The following TSKS variants were observed in gnomAD, a reference collection of about 807,000 sequenced individuals.
TSKS encodes testis-specific serine kinase substrate.
Under a neutral mutation model 68.0 loss-of-function variants are expected in TSKS, and 27 were observed. That is an observed-to-expected ratio of 0.40 (90% CI 0.29 to 0.55). TSKS has a LOEUF of 0.55. TSKS is among the 20% of genes least tolerant of loss of function. The probability of loss-of-function intolerance (pLI) is 0.53; values close to 1 mark genes in which losing one functional copy is unlikely to be tolerated. For missense variants in TSKS, 806 were observed against 776.0 expected (o/e 1.04, Z -0.46); for synonymous variants, 331 against 340.4 (o/e 0.97, Z 0.30).
At chr19:49,761,821 C>T (rs1383194752) in intron 2 of TSKS, among the ~76,000 whole-genome samples, 183 bp downstream of exon 2, 1 of 152,136 alleles carries the variant, frequency 6.6e-6, no homozygotes, top group Non-Finnish European at 1.5e-5. Context: ...AAAAGACCAA[C>T]TCCCAGATTC....
At chr19:49,746,417 C>A in intron 6 of TSKS, 53 bp downstream of exon 6, 1 of 1,603,330 alleles carries the variant, frequency 6.2e-7, no homozygotes. Context: ...AGGCTCCACC[C>A]CTGAGTCCCC....
chr19:49,762,270 C>T lies in TSKS; in HGVS notation c.171-38G>A, dbSNP rs1186424946. 6 of 1,558,794 alleles carry T rather than the reference C, an allele frequency of 3.8e-6. No individual in the cohort carries two copies. The Middle Eastern group carries it at 6.0e-4, about 156-fold the overall frequency. On this transcript the variant is annotated intron_variant, in intron 1 of 10. Transcript: ENST00000246801. Reference sequence around the variant, plus strand: ...AACAGGCAGAAAAGTGGAGAAGCAGCCCCAGGGTGTCTGGGCCCTCCTGCC... The same window carrying T: ...AACAGGCAGAAAAGTGGAGAAGCAGTCCCAGGGTGTCTGGGCCCTCCTGCC...
chr19:49,742,166 T>C, intron 8 of TSKS, 146 bp from the exon 9 acceptor site: 1 of 850,560 alleles, frequency 1.2e-6, no homozygotes, highest in East Asian at 2.7e-5. Flanking sequence ...GTGCACCAGC[T>C]GTCCCTTGGT....
intron 7 of TSKS, 41 bp from the exon 8 acceptor site, chr19:49,744,445 G>A: frequency 6.3e-7 from 1 of 1,594,642 alleles, no homozygotes; most frequent in Non-Finnish European, 8.6e-7. Context: ...CGTCTCTTCA[G>A]CGGTATAACC....
rs2084304231 is a variant in TSKS at position 49,746,668 on chromosome 19, T to G, written c.794A>C (p.Glu265Ala). 6.2e-7 allele frequency: 1 copy of G among 1,606,020 alleles called. No individual in the cohort carries two copies. The highest frequency in any genetic ancestry group is 8.5e-7 in the Non-Finnish European group (1 of 1,179,360). Residue 265 changes from glutamate (E) to alanine (A), a missense_variant, in exon 6 of 11, where the codon GAG becomes GCG. Glu to Ala is a moderately radical substitution (Grantham distance 107). Coordinates refer to ENST00000246801, the MANE Select transcript of TSKS (RefSeq NM_021733.2). ...KQEPEEKQKP[E>A]AGLSWNSLGP... Reference sequence around the variant, plus strand: ...CAGGCTGTTCCAGGAGAGGCCAGCCTCCGGCTTCTGCTTCTCCTCCGGCTC... The same window carrying G: ...CAGGCTGTTCCAGGAGAGGCCAGCCGCCGGCTTCTGCTTCTCCTCCGGCTC...
chr19:49,759,083 C>T (rs1289953871), intron 2 of TSKS, among the ~76,000 whole-genome samples: 1 of 152,032 alleles, frequency 6.6e-6, no homozygotes, highest in South Asian at 2.1e-4. Context: ...TCTGGAATTA[C>T]CGACCTCAGG....
chr19:49,752,618 G>C (rs925447411), intron 2 of TSKS, among the ~76,000 whole-genome samples: 5 of 152,120 alleles, frequency 3.3e-5, no homozygotes, highest in Admixed American at 2.0e-4. Flanking sequence ...GAGTGGGAGA[G>C]GGAACATTTG....
chr19:49,746,435 T>C, intron 6 of TSKS, 35 bp downstream of exon 6: 1 of 1,610,582 alleles, frequency 6.2e-7, no homozygotes, highest in South Asian at 1.1e-5. Context: ...CCCGCCGATC[T>C]CGTTTTCGAG....
rs771128278 is a variant in TSKS, at chr19:49,745,249, C to T, written c.1140G>A (p.Ala380=). 10 of 1,608,002 alleles carry T rather than the reference C, an allele frequency of 6.2e-6. No homozygotes were observed. The highest frequency in any genetic ancestry group is 5.0e-5 in the Admixed American group (3 of 59,898). Residue 380 remains alanine, a synonymous_variant, in exon 7 of 11, where the codon GCG becomes GCA. Coordinates refer to ENST00000246801, the MANE Select transcript of TSKS (RefSeq NM_021733.2). ...GACCTCGCAGCTCCTGCAAGTCCCG[C>T]GCCGTCTGTGCCTGTTCGCGCTGTG... ...ERAQREQAQT[A]RDLQELRGRA... is the part of the protein sequence containing the mutation.
chr19:49,756,166 C>T (rs965875847), intron 2 of TSKS, among the ~76,000 whole-genome samples: 78 of 152,040 alleles, frequency 5.1e-4, no homozygotes, highest in Admixed American at 5.1e-3. Context: ...GTTGGTTCAA[C>T]ATACTAAAAT....
intron 1 of TSKS, among the ~76,000 whole-genome samples, 172 bp downstream of exon 1, chr19:49,762,906 T>G (rs975636735): frequency 1.3e-5 from 2 of 152,028 alleles, no homozygotes; most frequent in Non-Finnish European, 2.9e-5. Context: ...CATTACCTTC[T>G]TCCTCTCTAC....
rs750962080 is a variant in TSKS, at chr19:49,741,851, A to G, written c.1497+34T>C. The stretch of plus-strand genomic sequence containing the variant: ...CCTCCCCTTGCCCCAACAGAAAAGT[A>G]AAGTGGGACATGGTGGCCCATATTC... On this transcript the variant is annotated intron_variant, in intron 9 of 10. Coordinates refer to ENST00000246801, the MANE Select transcript of TSKS (RefSeq NM_021733.2). 12 of 1,613,844 alleles carry G rather than the reference A, an allele frequency of 7.4e-6. No homozygotes were observed. In the Admixed American group the frequency reaches 2.0e-4, roughly 27 times the overall value.
intron 2 of TSKS, among the ~76,000 whole-genome samples, chr19:49,758,627 T>C (rs2084413072): frequency 6.6e-6 from 1 of 152,070 alleles, no homozygotes; most frequent in Admixed American, 6.6e-5. Flanking sequence ...CTTTGCCCTG[T>C]TCTCTGCAGC....
Position 49,762,053 on chromosome 19 carries a change from G to C in TSKS, c.350C>G (p.Ser117Cys). ...GQLTLAGPPASPTLPWDPDDA... is the reference protein window; with the variant it reads ...GQLTLAGPPACPTLPWDPDDA... ...ATCCGGATCCCAGGGTAGGGTAGGGGAGGCAGGGGGCCCAGCCAGTGTGAG... is the reference window on the plus strand; with the variant it reads ...ATCCGGATCCCAGGGTAGGGTAGGGCAGGCAGGGGGCCCAGCCAGTGTGAG... Residue 117 changes from serine to cysteine, a missense_variant, in exon 2 of 11, where the codon TCC becomes TGC. Ser to Cys is a moderately radical substitution (Grantham distance 112). Coordinates refer to ENST00000246801, the MANE Select transcript of TSKS (RefSeq NM_021733.2). The C allele has an allele frequency of 1.2e-6, 2 of 1,614,082 alleles. No individual in the cohort carries two copies. The highest frequency in any genetic ancestry group is 1.7e-6 in the Non-Finnish European group (2 of 1,180,012).
chr19:49,756,658 G>A (rs2084395000), intron 2 of TSKS, among the ~76,000 whole-genome samples: 1 of 151,930 alleles, frequency 6.6e-6, no homozygotes, highest in African/African-American at 2.4e-5. Flanking sequence ...CCCACAAAAT[G>A]TGATAGTTTA....
At chr19:49,754,065 A>G (rs1423096070) in intron 2 of TSKS, among the ~76,000 whole-genome samples, 1 of 150,626 alleles carries the variant, frequency 6.6e-6, no homozygotes, top group Non-Finnish European at 1.5e-5. Flanking sequence ...TTGTATTTTT[A>G]GTAGAGATGG....
chr19:49,758,104 GT>G (rs918027733), intron 2 of TSKS, among the ~76,000 whole-genome samples: 1 of 145,840 alleles, frequency 6.9e-6, no homozygotes, highest in African/African-American at 2.5e-5. Context: ...CTCTCTCTTG[GT>G]CTCTGTCCCC....
chr19:49,745,190 C>G lies in TSKS; in HGVS notation c.1187+12G>C, dbSNP rs372454756. The G allele has an allele frequency of 1.3e-6, 2 of 1,570,238 alleles. No individual in the cohort carries two copies. The highest frequency in any genetic ancestry group is 1.7e-6 in the Non-Finnish European group (2 of 1,153,366). On this transcript the variant is annotated intron_variant, in intron 7 of 10. Transcript: ENST00000246801. ...CCTTCCGGTCTTCCCATGCACTGGC[C>G]CCAATCCTCACATGGTGCACAGCTC...
At chr19:49,743,493 C>CTTTTTT (rs761657800) in intron 8 of TSKS, among the ~76,000 whole-genome samples, 26 of 103,882 alleles carry the variant, frequency 2.5e-4, no homozygotes, top group African/African-American at 4.2e-4. Context: ...AAGTGAATTT[C>CTTTTTT]TTTTTTTTTT....
Sources: allele counts gnomAD v4.1 joint callset (sites outside exome capture counted in the v4.1 genomes callset), GRCh38; gene constraint gnomAD v4.1.1; transcripts MANE v1.5; gene names NCBI Gene and HGNC (gene_info 2026-07-23, HGNC 2026-07-21).